VPS13B: variants seen among roughly 807,000 people sequenced by gnomAD.
VPS13B encodes the protein intermembrane lipid transfer protein VPS13B.
In VPS13B, 285 loss-of-function variants were observed where a neutral mutation model predicts 426.4. The observed-to-expected ratio is 0.67, with a 90% CI of 0.61 to 0.74. VPS13B has a LOEUF of 0.74. Ranked by LOEUF, VPS13B falls within the 30% of genes least tolerant of loss-of-function variation. The pLI is 0.00. For synonymous variants in VPS13B, 1,676 were observed against 1,676.4 expected (o/e 1.00, Z 0.01); for missense variants, 4,537 against 4,782.6 (o/e 0.95, Z 1.51).
In VPS13B at chr8:99,115,834, C is replaced by T; in HGVS notation, c.897C>T (p.Asp299=). ...IGNFKEGEIE[D]LTCHNKDMLG... ...ATTTTAAAGAAGGCGAAATAGAGGA[C>T]CTTACTTGTCATAATAAAGATATGC... is the stretch of plus-strand genomic sequence containing the variant. The change falls in exon 7 of 62, where the codon GAC becomes GAT. Residue 299 remains aspartate (D), a synonymous_variant. Transcript: ENST00000357162. The T allele has an allele frequency of 6.2e-7, 1 of 1,613,440 alleles. No homozygotes were observed. Among genetic ancestry groups the T allele is most frequent in the Non-Finnish European group, 8.5e-7 (1 of 1,179,748 alleles).
chr8:99,863,482 A>G (rs538396439), intron 58 of VPS13B, among the ~76,000 whole-genome samples: 242 of 151,550 alleles, frequency 1.6e-3, no homozygotes, highest in South Asian at 4.4e-3. Flanking sequence ...CTTCTAGGCA[A>G]AGAGAGAGAG....
At chr8:99,692,687 T>G (rs1831736886) in intron 35 of VPS13B, among the ~76,000 whole-genome samples, 1 of 135,140 alleles carries the variant, frequency 7.4e-6, no homozygotes, top group Admixed American at 8.1e-5. Context: ...AAGAAATAAC[T>G]AAAATCAGAG....
chr8:99,198,862 C>T (rs1052636074), intron 17 of VPS13B, among the ~76,000 whole-genome samples: 3 of 151,794 alleles, frequency 2.0e-5, no homozygotes, highest in African/African-American at 4.8e-5. Flanking sequence ...AGAACAAAAC[C>T]TCATTCTGTG....
At chr8:99,526,853 T>C (rs983076839) in intron 30 of VPS13B, among the ~76,000 whole-genome samples, 4 of 152,120 alleles carry the variant, frequency 2.6e-5, no homozygotes, top group African/African-American at 4.8e-5. Context: ...CTTGATAAAA[T>C]GTGGATTTTG....
At chr8:99,179,938 C>A (rs1236247009) in intron 16 of VPS13B, among the ~76,000 whole-genome samples, 1 of 151,898 alleles carries the variant, frequency 6.6e-6, no homozygotes, top group African/African-American at 2.4e-5. Flanking sequence ...TTACTCTTGG[C>A]CAAAGTGAAA....
chr8:99,265,357 A>G (rs879364503), intron 17 of VPS13B, among the ~76,000 whole-genome samples: 5 of 152,206 alleles, frequency 3.3e-5, no homozygotes, highest in Non-Finnish European at 7.4e-5. Flanking sequence ...TATCAGTGTC[A>G]TGTTTCCTTT....
At position 99,511,398 on chromosome 8, in the gene VPS13B, C is replaced by A. The variant is rs1178400279; in HGVS notation, c.4519C>A (p.Gln1507Lys). The A allele has an allele frequency of 8.7e-6, 14 of 1,613,876 alleles. No individual in the cohort carries two copies. The highest frequency in any genetic ancestry group is 1.0e-5 in the Non-Finnish European group (12 of 1,179,978). The change falls in exon 29 of 62, where the codon CAG becomes AAG. Residue 1507 changes from glutamine (Q) to lysine (K), a missense_variant. Around this residue, in one of 2 missense-constraint regions of VPS13B, gnomAD observed 4,311 missense variants for 4,474.3 expected, o/e 0.96. Coordinates refer to ENST00000357162, the MANE Select transcript of VPS13B (RefSeq NM_152564.5). The part of the protein sequence containing the change: ...TQKEKRKSPG[Q>K]PMRTHTLTSR... Reference sequence around the variant, plus strand: ...AAAAGAGAAAAGAAAATCTCCTGGTCAGCCCATGAGGACCCATACACTGAC... The same window carrying A: ...AAAAGAGAAAAGAAAATCTCCTGGTAAGCCCATGAGGACCCATACACTGAC...
At chr8:99,725,642 G>C (rs1833315738) in intron 39 of VPS13B, among the ~76,000 whole-genome samples, 1 of 152,146 alleles carries the variant, frequency 6.6e-6, no homozygotes, top group Non-Finnish European at 1.5e-5. Flanking sequence ...TATGTTGACT[G>C]GATAAACGAA....
chr8:99,709,338 G>A (rs942603259), intron 36 of VPS13B, among the ~76,000 whole-genome samples: 3 of 152,110 alleles, frequency 2.0e-5, no homozygotes, highest in Non-Finnish European at 4.4e-5. Context: ...GCCTTACTAA[G>A]GGTCTAGTAG....
At chr8:99,794,130 C>A (rs772072647) in intron 43 of VPS13B, among the ~76,000 whole-genome samples, 1 of 152,278 alleles carries the variant, frequency 6.6e-6, no homozygotes, top group African/African-American at 2.4e-5. Context: ...GAACTTGGCT[C>A]TCTATAACCA....
chr8:99,839,698 C>A (rs1462432806), intron 54 of VPS13B, among the ~76,000 whole-genome samples: 2 of 152,148 alleles, frequency 1.3e-5, no homozygotes, highest in East Asian at 3.8e-4. Flanking sequence ...ATAGTAGCTG[C>A]CTGAAAGTTC....
At chr8:99,055,033 G>GTT (rs775826222) in intron 3 of VPS13B, among the ~76,000 whole-genome samples, 7,770 of 108,908 alleles carry the variant, frequency 0.071, 331 homozygotes, top group Non-Finnish European at 0.11. Flanking sequence ...TTGTATTTCT[G>GTT]TTTTTTTTTT....
chr8:99,342,985 C>T (rs1313289784), intron 19 of VPS13B, among the ~76,000 whole-genome samples: 1 of 151,978 alleles, frequency 6.6e-6, no homozygotes, highest in Admixed American at 6.6e-5. Flanking sequence ...TTTGCATTTC[C>T]CTATTGATTA....
chr8:99,827,646 G>T (rs1036417643), intron 51 of VPS13B, among the ~76,000 whole-genome samples: 1 of 147,348 alleles, frequency 6.8e-6, no homozygotes, highest in Admixed American at 6.8e-5. Context: ...TTTTGCTCTT[G>T]CTTCTCTAGT....
intron 50 of VPS13B, among the ~76,000 whole-genome samples, chr8:99,822,502 G>A (rs760257638): frequency 4.6e-5 from 7 of 152,178 alleles, no homozygotes; most frequent in Non-Finnish European, 1.0e-4. Context: ...ATAGTTGTAA[G>A]TTGAGAACTA....
intron 39 of VPS13B, among the ~76,000 whole-genome samples, chr8:99,732,797 A>G (rs1833660392): frequency 6.6e-6 from 1 of 152,252 alleles, no homozygotes; most frequent in Admixed American, 6.5e-5. Context: ...AATAATAAAT[A>G]GTTTGAAATG....
chr8:99,776,285 A>G (rs1348869894), intron 40 of VPS13B, among the ~76,000 whole-genome samples: 1 of 152,250 alleles, frequency 6.6e-6, no homozygotes, highest in African/African-American at 2.4e-5. Flanking sequence ...ATCATAGATC[A>G]GTATGAGTTG....
chr8:99,162,651 C>A (rs935696056), intron 15 of VPS13B, among the ~76,000 whole-genome samples: 1 of 152,000 alleles, frequency 6.6e-6, no homozygotes, highest in South Asian at 2.1e-4. Context: ...TGGAGTTGTT[C>A]GTTCCTCCCG....
intron 14 of VPS13B, among the ~76,000 whole-genome samples, chr8:99,152,500 C>G (rs769648551): frequency 1.3e-5 from 2 of 152,064 alleles, no homozygotes; most frequent in Non-Finnish European, 2.9e-5. Flanking sequence ...CCATTGATGT[C>G]TATTATATCT....
Sources: allele counts gnomAD v4.1 joint callset (sites outside exome capture counted in the v4.1 genomes callset), GRCh38; gene constraint gnomAD v4.1.1; regional missense constraint gnomAD v4.1.1; transcripts MANE v1.5; gene names NCBI Gene and HGNC (gene_info 2026-07-23, HGNC 2026-07-21).